The following TENM3 variants were observed in gnomAD, a reference collection of about 807,000 sequenced individuals.
The protein encoded by TENM3 is teneurin transmembrane protein 3.
TENM3 carries 63 observed loss-of-function variants against 255.1 expected under a neutral mutation model. That is an observed-to-expected ratio of 0.25 (90% CI 0.20 to 0.30). The LOEUF (loss-of-function observed/expected upper bound fraction) is 0.30. Among genes scored for constraint, TENM3 ranks in the 10% least tolerant of loss-of-function variants. The probability of loss-of-function intolerance (pLI) is 1.00; values close to 1 mark genes in which losing one functional copy is unlikely to be tolerated. For missense variants in TENM3, 2,929 were observed against 3,461.1 expected, an observed-to-expected ratio of 0.85 and a Z score of 3.86; for synonymous variants, 1,306 against 1,322.3, an observed-to-expected ratio of 0.99 and a Z score of 0.27.
At chr4:181,830,778 G>T in the TENM3 span, among the ~76,000 whole-genome samples, 1 of 152,122 alleles carries the variant, frequency 6.6e-6, no homozygotes, top group Admixed American at 6.5e-5. Flanking sequence ...TTAACCACTT[G>T]ATAGTCCTGG....
chr4:182,076,366 G>C, the TENM3 span, among the ~76,000 whole-genome samples: 1 of 151,946 alleles, frequency 6.6e-6, no homozygotes, highest in Non-Finnish European at 1.5e-5. Context: ...ACCACGCCCA[G>C]CTTATTTTTG....
At chr4:181,805,044 C>A in the TENM3 span, among the ~76,000 whole-genome samples, 4 of 152,090 alleles carry the variant, frequency 2.6e-5, no homozygotes, top group African/African-American at 9.7e-5. Context: ...CCCCTGCTGC[C>A]GTCATACAGC....
At chr4:181,773,057 G>A in the TENM3 span, among the ~76,000 whole-genome samples, 2 of 152,014 alleles carry the variant, frequency 1.3e-5, no homozygotes, top group South Asian at 4.1e-4. Context: ...TCCCTTGTTT[G>A]GCTCTCATCT....
chr4:181,908,679 A>G, the TENM3 span, among the ~76,000 whole-genome samples: 1 of 152,156 alleles, frequency 6.6e-6, no homozygotes, highest in Non-Finnish European at 1.5e-5. Context: ...CATTATGTAA[A>G]ATTTTTATTC....
At chr4:181,962,422 G>A in the TENM3 span, among the ~76,000 whole-genome samples, 1 of 152,152 alleles carries the variant, frequency 6.6e-6, no homozygotes, top group African/African-American at 2.4e-5. Context: ...AGCACCATAG[G>A]TGCTAACCCA....
At chr4:182,344,934 A>G (rs1764707571) in intron 2 of TENM3, among the ~76,000 whole-genome samples, 1 of 152,208 alleles carries the variant, frequency 6.6e-6, no homozygotes, top group Non-Finnish European at 1.5e-5. Flanking sequence ...TAACATGCTA[A>G]CAATACTGAG....
At chr4:181,743,994 G>A in the TENM3 span, among the ~76,000 whole-genome samples, 9 of 151,892 alleles carry the variant, frequency 5.9e-5, no homozygotes, top group East Asian at 5.8e-4. Context: ...ACCCCGACAG[G>A]CCCCAATGTC....
At chr4:182,534,154 C>G (rs1271051826) in intron 3 of TENM3, among the ~76,000 whole-genome samples, 1 of 152,104 alleles carries the variant, frequency 6.6e-6, no homozygotes, top group Non-Finnish European at 1.5e-5. Flanking sequence ...ATGATGACAT[C>G]ATAGTACAAT....
the TENM3 span, among the ~76,000 whole-genome samples, chr4:181,867,818 G>A: frequency 1.3e-5 from 2 of 152,180 alleles, no homozygotes; most frequent in African/African-American, 4.8e-5. Context: ...AATTGAGAGA[G>A]AACACACCTT....
chr4:182,717,922 A>G (rs1285513505), intron 13 of TENM3, among the ~76,000 whole-genome samples: 1 of 152,130 alleles, frequency 6.6e-6, no homozygotes, highest in African/African-American at 2.4e-5. Context: ...GGAGCTGCTC[A>G]CTCCTGAAGG....
At chr4:182,170,848 A>G (rs1310659917) in intron 1 of TENM3, among the ~76,000 whole-genome samples, 2 of 152,182 alleles carry the variant, frequency 1.3e-5, no homozygotes, top group Admixed American at 1.3e-4. Context: ...TACATGTGTT[A>G]TGTTGAGCTG....
chr4:181,490,452 T>A, the TENM3 span, among the ~76,000 whole-genome samples: 1 of 150,684 alleles, frequency 6.6e-6, no homozygotes, highest in Admixed American at 6.8e-5. Flanking sequence ...AACATCTTTA[T>A]GAGTTTAAAC....
chr4:182,777,670 A>G (rs542279210), intron 24 of TENM3, among the ~76,000 whole-genome samples: 1 of 141,014 alleles, frequency 7.1e-6, no homozygotes, highest in Non-Finnish European at 1.5e-5. Flanking sequence ...CAACTCTCAT[A>G]CCTCAGCCCA....
intron 22 of TENM3, among the ~76,000 whole-genome samples, chr4:182,761,811 CA>C (rs1763223346): frequency 6.6e-6 from 1 of 152,048 alleles, no homozygotes; most frequent in African/African-American, 2.4e-5. Context: ...TTAGTAGAAT[CA>C]AATAGTTTAT....
intron 1 of TENM3, among the ~76,000 whole-genome samples, chr4:182,167,653 G>T (rs980935076): frequency 5.3e-5 from 8 of 152,110 alleles, no homozygotes; most frequent in Non-Finnish European, 1.0e-4. Flanking sequence ...CTGGTGGATT[G>T]CTAGAGCCCA....
chr4:182,679,925 C>T (rs762871353), intron 8 of TENM3, 49 bp downstream of exon 8: 37 of 1,482,502 alleles, frequency 2.5e-5, no homozygotes, highest in South Asian at 1.9e-4. Flanking sequence ...GCCTAAACGC[C>T]GTGTTTAATA....
At chr4:181,705,867 G>A in the TENM3 span, among the ~76,000 whole-genome samples, 3 of 152,130 alleles carry the variant, frequency 2.0e-5, no homozygotes, top group South Asian at 6.2e-4. Flanking sequence ...GCCACCCTGG[G>A]CTCCTAACCC....
chr4:182,602,019 A>C (rs2152414592), intron 4 of TENM3, among the ~76,000 whole-genome samples: 1 of 152,374 alleles, frequency 6.6e-6, no homozygotes, highest in East Asian at 1.9e-4. Flanking sequence ...ATACAAAAGT[A>C]TGATCAGCGA....
chr4:182,613,590 G>A (rs1474069606), intron 4 of TENM3, among the ~76,000 whole-genome samples: 1 of 152,142 alleles, frequency 6.6e-6, no homozygotes, highest in Non-Finnish European at 1.5e-5. Context: ...AGAAGTAAGT[G>A]TGAAAGATAG....
Sources: allele counts gnomAD v4.1 joint callset (sites outside exome capture counted in the v4.1 genomes callset), GRCh38; gene constraint gnomAD v4.1.1; transcripts MANE v1.5; gene names NCBI Gene and HGNC (gene_info 2026-07-23, HGNC 2026-07-21).